Variants in NEBL observed in about 807,000 individuals in gnomAD.
NEBL encodes nebulette.
In NEBL, 122 loss-of-function variants were observed where a neutral mutation model predicts 140.2. That is an observed-to-expected ratio of 0.87 (90% CI 0.75 to 1.01). The LOEUF (loss-of-function observed/expected upper bound fraction) is 1.01. NEBL is among the 50% of genes least tolerant of loss of function. The pLI is 0.00. For missense variants in NEBL, 1,365 were observed against 1,231.3 expected (o/e 1.11, Z -1.62); for synonymous variants, 436 against 398.9 (o/e 1.09, Z -1.11).
chr10:21,176,730 A>G (rs1564537546), upstream of NEBL, among the ~76,000 whole-genome samples: 1 of 152,134 alleles, frequency 6.6e-6, no homozygotes, highest in Non-Finnish European at 1.5e-5. Context: ...CAATATCTCT[A>G]CTTTAATTTC....
intron 3 of NEBL, among the ~76,000 whole-genome samples, chr10:21,221,971 G>A (rs193148909): frequency 1.8e-3 from 268 of 152,110 alleles, no homozygotes; most frequent in Admixed American, 3.5e-3. Context: ...CTAGAAGGAG[G>A]TAGTGAGGCT....
intron 2 of NEBL, among the ~76,000 whole-genome samples, chr10:21,047,561 C>T (rs897827879): frequency 2.0e-5 from 3 of 151,536 alleles, no homozygotes; most frequent in African/African-American, 7.3e-5. Flanking sequence ...TTTTTTTTAA[C>T]ACACACTCTA....
upstream of NEBL, chr10:21,174,408 G>C (rs960511840): frequency 6.6e-6 from 1 of 152,578 alleles, no homozygotes; most frequent in Non-Finnish European, 1.5e-5. Flanking sequence ...GATCCAGGCG[G>C]GGGAGGTGAC....
At chr10:21,008,676 A>C (rs1838223744) in intron 3 of NEBL, among the ~76,000 whole-genome samples, 3 of 152,060 alleles carry the variant, frequency 2.0e-5, no homozygotes, top group Non-Finnish European at 4.4e-5. Flanking sequence ...TGCAGTGAAA[A>C]CCCGCTGGTG....
intron 4 of NEBL, among the ~76,000 whole-genome samples, chr10:20,941,854 T>A (rs568715060): frequency 2.8e-4 from 42 of 151,866 alleles, no homozygotes; most frequent in Admixed American, 9.8e-4. Flanking sequence ...TCAAAGAGAA[T>A]AAAATACCTA....
intron 1 of NEBL, among the ~76,000 whole-genome samples, chr10:21,278,172 G>A (rs1842947333): frequency 6.6e-6 from 1 of 152,186 alleles, no homozygotes; most frequent in African/African-American, 2.4e-5. Context: ...CGGGCATGGT[G>A]GTGCACACAT....
intron 3 of NEBL, among the ~76,000 whole-genome samples, chr10:21,198,138 AC>A (rs1348833784): frequency 6.6e-6 from 1 of 151,648 alleles, no homozygotes; most frequent in Non-Finnish European, 1.5e-5. Flanking sequence ...CACAGCCTTC[AC>A]CAGCCTCCTC....
At chr10:20,858,142 G>T in intron 9 of NEBL, 98 bp downstream of exon 9, 2 of 903,474 alleles carry the variant, frequency 2.2e-6, no homozygotes, top group Non-Finnish European at 1.8e-6. Flanking sequence ...GTGAGGCACA[G>T]GCCTTCTAAG....
intron 3 of NEBL, among the ~76,000 whole-genome samples, chr10:21,010,434 T>G (rs2131738379): frequency 6.9e-6 from 1 of 144,810 alleles, no homozygotes; most frequent in East Asian, 2.2e-4. Flanking sequence ...TTTTTTTTTT[T>G]GCAAGAACAG....
At chr10:20,965,035 G>A (rs1393237184) in intron 3 of NEBL, among the ~76,000 whole-genome samples, 1 of 152,174 alleles carries the variant, frequency 6.6e-6, no homozygotes, top group African/African-American at 2.4e-5. Flanking sequence ...TTCTTCCTAT[G>A]TATGTTACAA....
At chr10:21,037,603 A>G (rs1057192105) in intron 2 of NEBL, among the ~76,000 whole-genome samples, 1 of 152,184 alleles carries the variant, frequency 6.6e-6, no homozygotes, top group Non-Finnish European at 1.5e-5. Flanking sequence ...GAAATGTTCC[A>G]TACCTTGATT....
intron 12 of NEBL, among the ~76,000 whole-genome samples, chr10:20,841,890 T>C (rs779076110): frequency 1.1e-4 from 16 of 152,076 alleles, no homozygotes; most frequent in Non-Finnish European, 1.9e-4. Flanking sequence ...TTAATAATAG[T>C]TTGAATTTCA....
chr10:20,970,670 TATAA>T lies in NEBL; in HGVS notation c.250-8895_250-8892del, dbSNP rs1174447068. The stretch of plus-strand genomic sequence containing the variant: ...TCTTAAAAAAAAAAAATTAATAGAA[TATAA>T]ATAAATAAAGGCAACAATAATTACA... On this transcript the variant is annotated intron_variant, in intron 3 of 6. Transcript: ENST00000417816. Among the ~76,000 whole-genome samples the T allele has an allele frequency of 2.6e-5, 4 of 151,858 alleles. 1 individual carries two copies. The East Asian group carries it at 7.7e-4, about 29-fold the overall frequency.
At chr10:21,059,684 A>G (rs1835189958) in intron 2 of NEBL, among the ~76,000 whole-genome samples, 1 of 152,244 alleles carries the variant, frequency 6.6e-6, no homozygotes, top group Non-Finnish European at 1.5e-5. Flanking sequence ...TGCGTTGATT[A>G]AAACTCTTTC....
At chr10:21,113,138 A>T (rs544844620) in intron 2 of NEBL, 2 of 279,754 alleles carry the variant, frequency 7.1e-6, no homozygotes, top group East Asian at 2.3e-4. Flanking sequence ...AGGGAAGAGG[A>T]GGAGGAGGAG....
chr10:21,082,038 A>C (rs1188238200), intron 2 of NEBL, among the ~76,000 whole-genome samples: 1 of 152,204 alleles, frequency 6.6e-6, no homozygotes, highest in Non-Finnish European at 1.5e-5. Flanking sequence ...ACCTGATAGG[A>C]TACCATGAAA....
At chr10:20,827,262 G>C (rs748786410) in intron 17 of NEBL, among the ~76,000 whole-genome samples, 1 of 152,140 alleles carries the variant, frequency 6.6e-6, no homozygotes, top group African/African-American at 2.4e-5. Context: ...GGGAGAGCAC[G>C]GTAGGAGAGA....
intron 3 of NEBL, among the ~76,000 whole-genome samples, chr10:20,982,357 G>T (rs1206168905): frequency 1.3e-5 from 2 of 149,426 alleles, no homozygotes; most frequent in Non-Finnish European, 2.9e-5. Flanking sequence ...TTCAGCAAGG[G>T]TATCCTATTT....
rs371620771 is a variant in NEBL at position 20,888,140 on chromosome 10, A to T, written c.326T>A (p.Ile109Asn). ...NSLYKRMPAT[I>N]DSVFAGEVTQ... Reference sequence around the variant, plus strand: ...AACTTCTCCTGCAAAAACACTGTCAATTGTGGCTGGCATCCGCTTATAAAG... The same window carrying T: ...AACTTCTCCTGCAAAAACACTGTCATTTGTGGCTGGCATCCGCTTATAAAG... Residue 109 changes from isoleucine (I) to asparagine (N), a missense_variant, in exon 4 of 28, where the codon ATT becomes AAT. Ile to Asn is a moderately radical substitution (Grantham distance 149). Coordinates refer to ENST00000377122, the MANE Select transcript of NEBL (RefSeq NM_006393.3). The T allele has an allele frequency of 6.2e-7, 1 of 1,613,830 alleles. No homozygotes were observed. Among genetic ancestry groups the T allele is most frequent in the African/African-American group, 1.3e-5 (1 of 74,904 alleles).
Sources: gnomAD v4.1 joint callset for allele counts (sites outside exome capture counted in the v4.1 genomes callset) on GRCh38, gnomAD v4.1.1 for gene constraint, MANE v1.5 for transcripts, NCBI Gene and HGNC (gene_info 2026-07-23, HGNC 2026-07-21) for gene names.